Variants in MMP15 observed in about 807,000 individuals in gnomAD.
The protein encoded by MMP15 is matrix metallopeptidase 15.
Under a neutral mutation model 65.0 loss-of-function variants are expected in MMP15, and 36 were observed. That is an observed-to-expected ratio of 0.55 (90% CI 0.42 to 0.73). MMP15 has a LOEUF of 0.73. Ranked by LOEUF, MMP15 falls within the 30% of genes least tolerant of loss-of-function variation. The pLI, the probability that MMP15 is intolerant of heterozygous loss-of-function variation, is 0.00. For synonymous variants in MMP15, 428 were observed against 410.2 expected (o/e 1.04, Z -0.52); for missense variants, 870 against 987.8 (o/e 0.88, Z 1.60).
At chr16:58,039,752 C>T in intron 3 of MMP15, 123 bp from the exon 4 acceptor site, 1 of 921,512 alleles carries the variant, frequency 1.1e-6, no homozygotes, top group Non-Finnish European at 1.6e-6. Context: ...TACATCAAAG[C>T]AAACTGCCAG....
Position 58,045,443 on chromosome 16 carries a change from C to A in MMP15, c.2007C>A (p.Val669=). Residue 669 remains valine, a synonymous_variant, in exon 10 of 10, where the codon GTC becomes GTA. Transcript: ENST00000219271. ...GCAAGCGCTCGCTGCAGGAGTGGGT[C>A]TGACCACCCAGCGCTCCTGCTAACG... is the stretch of plus-strand genomic sequence containing the variant. The part of the protein sequence containing the change: ...LYCKRSLQEW[V] 1 of 1,524,646 alleles carries A rather than the reference C, an allele frequency of 6.6e-7. No individual in the cohort carries two copies. The highest frequency in any genetic ancestry group is 1.3e-5 in the South Asian group (1 of 79,788). 94.4% of individuals were successfully genotyped at this position (1,524,646 alleles called of 1,614,324 possible).
At chr16:58,035,188 T>A (rs1231861439) in intron 1 of MMP15, among the ~76,000 whole-genome samples, 1 of 152,204 alleles carries the variant, frequency 6.6e-6, no homozygotes, top group Non-Finnish European at 1.5e-5. Flanking sequence ...GGATGGTGGA[T>A]CTGCTGCTCC....
rs1384144497 is a variant in MMP15 at position 58,045,646 on chromosome 16, C to G, written c.*200C>G. On this transcript the variant is annotated 3_prime_UTR_variant, in exon 10 of 10. Coordinates refer to ENST00000219271, the MANE Select transcript of MMP15 (RefSeq NM_002428.4). ...TGACCATTTGTTTCTGTTTCCCCGA[C>G]TGGGGCAGGGTGTTTAGAATTTTCT... The G allele has an allele frequency of 3.5e-6, 2 of 574,248 alleles. No individual in the cohort carries two copies. The highest frequency in any genetic ancestry group is 1.9e-5 in the African/African-American group (1 of 52,186). 35.6% of individuals were successfully genotyped at this position (574,248 alleles called of 1,614,324 possible).
At chr16:58,026,610 C>T in intron 1 of MMP15, 98 bp downstream of exon 1, 6 of 1,227,536 alleles carry the variant, frequency 4.9e-6, no homozygotes, top group Non-Finnish European at 5.2e-6. Flanking sequence ...GGAGCGGAGA[C>T]GCGCCCCCTG....
rs1486603449 is a variant in MMP15 at position 58,026,403 on chromosome 16, T to C, written c.53T>C (p.Leu18Pro). 7 of 1,424,978 alleles carry C rather than the reference T, an allele frequency of 4.9e-6. No individual in the cohort carries two copies. Among genetic ancestry groups the C allele is most frequent in the Non-Finnish European group, 6.4e-6 (7 of 1,095,070 alleles). The allele number at this position is 1,424,978 out of a possible 1,614,324, so 88.3% of individuals were successfully genotyped here. Residue 18 changes from leucine (L) to proline (P), a missense_variant, in exon 1 of 10, where the codon CTC becomes CCC. Coordinates refer to ENST00000219271, the MANE Select transcript of MMP15 (RefSeq NM_002428.4). ...CGGCCGGGCTGGACGGGCAGCCTCCTCGGCGACCGGGAGGAGGCGGCGCGG... is the reference window on the plus strand; with the variant it reads ...CGGCCGGGCTGGACGGGCAGCCTCCCCGGCGACCGGGAGGAGGCGGCGCGG... ...PGRPGWTGSL[L>P]GDREEAARPR...
chr16:58,041,263 A>C (rs1959445714), intron 5 of MMP15, among the ~76,000 whole-genome samples: 1 of 152,048 alleles, frequency 6.6e-6, no homozygotes, highest in Admixed American at 6.5e-5. Context: ...CTTGACGGGC[A>C]CCCCTTGCTG....
chr16:58,038,406 A>C lies in MMP15; in HGVS notation c.440+12A>C, dbSNP rs769988666. ...CATCTGACCTTTAGGTAGGGGGCTC[A>C]GCTGCCCAGGGAAGCATCTGCCCCT... On this transcript the variant is annotated intron_variant, in intron 3 of 9. Coordinates refer to ENST00000219271, the MANE Select transcript of MMP15 (RefSeq NM_002428.4). 6.2e-7 allele frequency: 1 copy of C among 1,613,670 alleles called. No individual in the cohort carries two copies. Among genetic ancestry groups the C allele is most frequent in the Admixed American group, 1.7e-5 (1 of 60,012 alleles).
Position 58,041,634 on chromosome 16 carries a change from C to G in MMP15, c.928C>G (p.Pro310Ala). 7 of 1,574,772 alleles carry G rather than the reference C, an allele frequency of 4.4e-6. No homozygotes were observed. The highest frequency in any genetic ancestry group is 6.0e-6 in the Non-Finnish European group (7 of 1,161,560). Reference protein sequence around the residue: ...QQLYGTPDGQPQPTQPLPTVT... With the variant: ...QQLYGTPDGQAQPTQPLPTVT... Reference sequence around the variant, plus strand: ...CTCTGCAGGTACCCCAGACGGTCAGCCACAGCCTACCCAGCCTCTCCCCAC... The same window carrying G: ...CTCTGCAGGTACCCCAGACGGTCAGGCACAGCCTACCCAGCCTCTCCCCAC... The change falls in exon 6 of 10, where the codon CCA (proline) becomes GCA (alanine). Residue 310 changes from proline (P) to alanine (A), a missense_variant. Physicochemically the swap from Pro to Ala is conservative, Grantham distance 27. Transcript: ENST00000219271.
chr16:58,041,580 A>G, intron 5 of MMP15, 37 bp from the exon 6 acceptor site: 1 of 1,559,264 alleles, frequency 6.4e-7, no homozygotes. Context: ...CTGAGTAGGA[A>G]CACAGACCTC....
At position 58,045,219 on chromosome 16, in the gene MMP15, G is replaced by A. The variant is rs1336147002; in HGVS notation, c.1783G>A (p.Gly595Arg). The change falls in exon 10 of 10, where the codon GGG (glycine) becomes AGG (arginine). Residue 595 changes from glycine to arginine, a missense_variant. Gly to Arg is a moderately radical substitution (Grantham distance 125, BLOSUM62 -2). Transcript: ENST00000219271. ...GGCGGACAGCGCAGAGGGCGACGTG[G>A]GGGATGGGGATGGGGACTTTGGGGC... ...PGADSAEGDV[G>R]DGDGDFGAGV... The A allele has an allele frequency of 6.3e-7, 1 of 1,597,730 alleles. No homozygotes were observed. Among genetic ancestry groups the A allele is most frequent in the Non-Finnish European group, 8.5e-7 (1 of 1,173,512 alleles).
chr16:58,033,090 C>A (rs952192103), intron 1 of MMP15, among the ~76,000 whole-genome samples: 3 of 152,220 alleles, frequency 2.0e-5, no homozygotes, highest in African/African-American at 7.2e-5. Flanking sequence ...CGGCTGCTCA[C>A]TGCACAGTAT....
At chr16:58,037,291 T>C (rs1959349618) in intron 1 of MMP15, among the ~76,000 whole-genome samples, 181 bp from the exon 2 acceptor site, 1 of 152,158 alleles carries the variant, frequency 6.6e-6, no homozygotes, top group Non-Finnish European at 1.5e-5. Flanking sequence ...TTCTGGCTCT[T>C]ATGTGAGGAG....
intron 4 of MMP15, 102 bp from the exon 5 acceptor site, chr16:58,040,435 C>G (rs1959428444): frequency 7.1e-6 from 10 of 1,409,022 alleles, no homozygotes; most frequent in East Asian, 2.4e-5. Flanking sequence ...AAGAGGGAAG[C>G]AAGGGCAGGC....
At position 58,046,214 on chromosome 16, in the gene MMP15, C is replaced by G. The variant is rs1959561988; in HGVS notation, c.*768C>G. 6.5e-6 allele frequency: 1 copy of G among 152,906 alleles called. No individual in the cohort carries two copies. The highest frequency in any genetic ancestry group is 2.4e-5 in the African/African-American group (1 of 41,458). The allele number at this position is 152,906 out of a possible 1,614,324, so 9.5% of individuals were successfully genotyped here. ...AGCAGCCTCGCCCCTGGCAGAGATG[C>G]CTCCCTGAGCTAGAACCCTCTGTTC... On this transcript the variant is annotated 3_prime_UTR_variant, in exon 10 of 10. Transcript: ENST00000219271.
intron 1 of MMP15, among the ~76,000 whole-genome samples, chr16:58,034,950 G>A (rs564248939): frequency 1.8e-4 from 26 of 142,906 alleles, no homozygotes; most frequent in African/African-American, 6.4e-4. Context: ...CCCTCCTGTC[G>A]CTCCGCAGAT....
In MMP15 at chr16:58,045,479, G is replaced by A. The variant is rs766859508; in HGVS notation, c.*33G>A. ...GCGCTCCTGCTAACGGTGCTCAGGG[G>A]GCGCCTGTGGTTCTGAGATGGCTCC... is the stretch of plus-strand genomic sequence containing the variant. On this transcript the variant is annotated 3_prime_UTR_variant, in exon 10 of 10. Coordinates refer to ENST00000219271, the MANE Select transcript of MMP15 (RefSeq NM_002428.4). 11 of 1,471,176 alleles carry A rather than the reference G, an allele frequency of 7.5e-6. No homozygotes were observed. Among genetic ancestry groups the A allele is most frequent in the South Asian group, 1.4e-5 (1 of 72,508 alleles). The allele number at this position is 1,471,176 out of a possible 1,614,324, so 91.1% of individuals were successfully genotyped here.
rs927682751 is a variant in MMP15, at chr16:58,041,622, C to G, written c.916C>G (p.Pro306Ala). Reference protein sequence around the residue: ...LRGIQQLYGTPDGQPQPTQPL... With the variant: ...LRGIQQLYGTADGQPQPTQPL... ...GAACCCCTGCCTCTCTGCAGGTACCCCAGACGGTCAGCCACAGCCTACCCA... is the reference window on the plus strand; with the variant it reads ...GAACCCCTGCCTCTCTGCAGGTACCGCAGACGGTCAGCCACAGCCTACCCA... The change falls in exon 6 of 10, where the codon CCA (proline) becomes GCA (alanine). Residue 306 changes from proline (P) to alanine (A), a missense_variant. Coordinates refer to ENST00000219271, the MANE Select transcript of MMP15 (RefSeq NM_002428.4). 1 of 1,574,558 alleles carries G rather than the reference C, an allele frequency of 6.4e-7. No homozygotes were observed. The highest frequency in any genetic ancestry group is 2.4e-5 in the East Asian group (1 of 41,858).
Position 58,043,505 on chromosome 16 carries a change from T to C in MMP15, c.1455-7T>C, listed in dbSNP as rs1489952157. 2 of 1,613,714 alleles carry C rather than the reference T, an allele frequency of 1.2e-6. No homozygotes were observed. The highest frequency in any genetic ancestry group is 3.3e-5 in the Admixed American group (2 of 59,958). ...CTAGGTCCACAGCCTGGTGCTTTTG[T>C]TCACAGGTACTGGCGCTTCAACGAG... On this transcript the variant is annotated splice_polypyrimidine_tract_variant and splice_region_variant and intron_variant, in intron 8 of 9. Coordinates refer to ENST00000219271, the MANE Select transcript of MMP15 (RefSeq NM_002428.4).
intron 1 of MMP15, among the ~76,000 whole-genome samples, chr16:58,032,932 A>T (rs560610410): frequency 6.6e-6 from 1 of 152,204 alleles, no homozygotes; most frequent in African/African-American, 2.4e-5. Flanking sequence ...AAGTGTCCTT[A>T]TCGCCTGGGG....
Sources: gnomAD v4.1 joint callset for allele counts (sites outside exome capture counted in the v4.1 genomes callset) on GRCh38, gnomAD v4.1.1 for gene constraint, MANE v1.5 for transcripts, NCBI Gene and HGNC (gene_info 2026-07-23, HGNC 2026-07-21) for gene names.